SAP130: variants seen among roughly 807,000 people sequenced by gnomAD.
The protein encoded by SAP130 is histone deacetylase complex subunit SAP130.
SAP130 carries 16 observed loss-of-function variants against 103.2 expected under a neutral mutation model. That is an observed-to-expected ratio of 0.16 (90% CI 0.10 to 0.24). SAP130 has a LOEUF of 0.24. Among genes scored for constraint, SAP130 ranks in the 10% least tolerant of loss-of-function variants. SAP130 has a pLI of 1.00. For synonymous variants in SAP130, 477 were observed against 497.0 expected, an observed-to-expected ratio of 0.96 and a Z score of 0.53; for missense variants, 990 against 1,359.7, an observed-to-expected ratio of 0.73 and a Z score of 4.28.
chr2:127,945,770 G>T (rs934208663), intron 18 of SAP130, among the ~76,000 whole-genome samples: 1 of 151,690 alleles, frequency 6.6e-6, no homozygotes, highest in Admixed American at 6.6e-5. Context: ...CTCCCACTTC[G>T]GCCTCCCAAG....
At chr2:127,965,576 G>C (rs1680597178) in intron 15 of SAP130, among the ~76,000 whole-genome samples, 1 of 152,066 alleles carries the variant, frequency 6.6e-6, no homozygotes, top group South Asian at 2.1e-4. Context: ...GATCATTTGA[G>C]ATTAGGAGTT....
intron 7 of SAP130, among the ~76,000 whole-genome samples, chr2:128,003,158 G>T (rs946078482): frequency 2.0e-5 from 3 of 151,704 alleles, no homozygotes; most frequent in Admixed American, 2.0e-4. Context: ...CAGCAAAAAG[G>T]GGTTCTCACT....
chr2:127,987,238 A>T (rs1467856117), intron 13 of SAP130, among the ~76,000 whole-genome samples: 2 of 152,140 alleles, frequency 1.3e-5, no homozygotes, highest in Non-Finnish European at 2.9e-5. Flanking sequence ...AGGCTGGAAT[A>T]CAGTGGTGCA....
intron 5 of SAP130, among the ~76,000 whole-genome samples, chr2:128,014,156 C>G (rs1446792440): frequency 6.6e-6 from 1 of 152,138 alleles, no homozygotes; most frequent in Admixed American, 6.6e-5. Flanking sequence ...TGTAATACAA[C>G]TATAATAAGC....
intron 15 of SAP130, among the ~76,000 whole-genome samples, chr2:127,960,365 C>T (rs964350947): frequency 1.3e-5 from 2 of 152,014 alleles, no homozygotes; most frequent in African/African-American, 2.4e-5. Flanking sequence ...ATACAGACTG[C>T]GGCAGGCAGA....
intron 15 of SAP130, among the ~76,000 whole-genome samples, chr2:127,970,459 T>A (rs182962626): frequency 7.6e-5 from 11 of 144,852 alleles, no homozygotes; most frequent in Non-Finnish European, 1.6e-4. Context: ...GAGAATAACT[T>A]GAACCAGGGT....
chr2:128,009,895 T>C (rs1684259847), intron 7 of SAP130, among the ~76,000 whole-genome samples: 1 of 152,230 alleles, frequency 6.6e-6, no homozygotes, highest in Admixed American at 6.5e-5. Context: ...CACTTCATTA[T>C]ATCTTTTCAT....
chr2:127,962,342 T>C (rs1383427417), intron 15 of SAP130, among the ~76,000 whole-genome samples: 1 of 152,176 alleles, frequency 6.6e-6, no homozygotes, highest in Non-Finnish European at 1.5e-5. Context: ...GATCTAGAAC[T>C]AGAAATACCA....
chr2:127,992,581 G>T (rs1012561953), intron 12 of SAP130, among the ~76,000 whole-genome samples: 1 of 152,156 alleles, frequency 6.6e-6, no homozygotes, highest in African/African-American at 2.4e-5. Context: ...CACTGCACCT[G>T]GCTGGAAATA....
intron 11 of SAP130, among the ~76,000 whole-genome samples, chr2:127,995,074 G>A (rs1683078571): frequency 6.6e-6 from 1 of 152,152 alleles, no homozygotes; most frequent in African/African-American, 2.4e-5. Context: ...TATGGGAGAG[G>A]CAGATACAAA....
chr2:128,005,542 G>T (rs559084173), intron 7 of SAP130, among the ~76,000 whole-genome samples: 9 of 152,036 alleles, frequency 5.9e-5, no homozygotes, highest in Non-Finnish European at 8.8e-5. Flanking sequence ...TTGAACCCGG[G>T]GGGTGGAGAC....
chr2:127,980,812 C>A (rs533990353), intron 14 of SAP130, among the ~76,000 whole-genome samples: 5 of 151,886 alleles, frequency 3.3e-5, no homozygotes, highest in Admixed American at 3.3e-4. Context: ...GGGAGGATCA[C>A]CTGAGCCTGG....
At chr2:128,026,342 C>A in intron 1 of SAP130, 44 bp from the exon 2 acceptor site, 1 of 1,367,852 alleles carries the variant, frequency 7.3e-7, no homozygotes, top group Non-Finnish European at 1.0e-6. Context: ...ATTCTGAGAT[C>A]TGAATCAATA....
At chr2:127,972,820 G>C (rs1430811573) in intron 15 of SAP130, among the ~76,000 whole-genome samples, 2 of 152,036 alleles carry the variant, frequency 1.3e-5, no homozygotes, top group African/African-American at 4.8e-5. Context: ...TGCAGTCCCA[G>C]CTACTCAGGA....
Position 127,942,773 on chromosome 2 carries a change from G to A in SAP130, c.2902-236C>T, listed in dbSNP as rs2104835320. 6.6e-6 allele frequency among the ~76,000 whole-genome samples: 1 copy of A among 152,276 alleles called. No individual in the cohort carries two copies. The highest frequency in any genetic ancestry group is 1.9e-4 in the East Asian group (1 of 5,184). ...GGAGGTCGAGGCGGGTGGATCACCT[G>A]AGGTCCAGAGTTTGAGACCAGCCTG... On this transcript the variant is annotated intron_variant, in intron 19 of 20. Transcript: ENST00000643581. This position sits in a 1 kb window ranked among gnomAD's most constrained non-coding sequence, Gnocchi z 4.8.
rs535222118 is a variant in SAP130, at chr2:128,019,256, A to AT, written c.113-1342dup. ...CTACCAGAAGACAATCTATTTAAAAATTTTTTTTAATTAAAAAAAATTTTT... is the reference window on the plus strand; with the variant it reads ...CTACCAGAAGACAATCTATTTAAAAATTTTTTTTTAATTAAAAAAAATTTTT... On this transcript the variant is annotated intron_variant, in intron 2 of 20. Transcript: ENST00000643581. 2.2e-3 allele frequency among the ~76,000 whole-genome samples: 333 copies of AT among 151,324 alleles called. 3 individuals carry two copies. The highest frequency in any genetic ancestry group is 7.4e-3 in the African/African-American group (308 of 41,440).
At position 127,985,332 on chromosome 2, in the gene SAP130, A is replaced by C. The variant is rs144733121; in HGVS notation, c.1958+1453T>G. ...AAACAGCAAAGATAGGGACTCTGGT[A>C]TATGCACAGCTCTGTGCAAATAAAA... On this transcript the variant is annotated intron_variant, in intron 14 of 20. Transcript: ENST00000643581. Among the ~76,000 whole-genome samples the C allele has an allele frequency of 3.3e-4, 51 of 152,332 alleles. 1 individual carries two copies. In the South Asian group the frequency reaches 6.4e-3, roughly 19 times the overall value.
intron 2 of SAP130, among the ~76,000 whole-genome samples, chr2:128,023,915 G>A (rs1204470960): frequency 3.7e-5 from 5 of 136,214 alleles, no homozygotes; most frequent in African/African-American, 1.6e-4. Context: ...TGTTATTCTA[G>A]AGAATAATAA....
Position 127,989,488 on chromosome 2 carries a change from A to G in SAP130, c.1780+76T>C. ...AGAGAAATTATAAGACGACAAAGCC[A>G]GTGGCAGAGAAAGGATTTAAACCCA... On this transcript the variant is annotated intron_variant, in intron 13 of 20. Transcript: ENST00000643581. This position sits in a 1 kb window ranked among gnomAD's most constrained non-coding sequence, Gnocchi z 4.6. 7.7e-7 allele frequency: 1 copy of G among 1,294,864 alleles called. No homozygotes were observed. 80.2% of individuals were successfully genotyped at this position (1,294,864 alleles called of 1,614,324 possible). A position where few individuals can be genotyped will look rare whatever the true frequency, so the allele number is the denominator to read the frequency against.
Sources: gnomAD v4.1 joint callset for allele counts (sites outside exome capture counted in the v4.1 genomes callset) on GRCh38, gnomAD v4.1.1 for gene constraint, Gnocchi (gnomAD v3.1) non-coding constraint, MANE v1.5 for transcripts, NCBI Gene and HGNC (gene_info 2026-07-23, HGNC 2026-07-21) for gene names.